The following SNX25 variants were observed in gnomAD, a reference collection of about 807,000 sequenced individuals.
SNX25 encodes sorting nexin-25.
In SNX25, 62 loss-of-function variants were observed where a neutral mutation model predicts 113.7. The ratio of observed to expected loss-of-function variants is 0.55; its 90% CI spans 0.44 to 0.67. The LOEUF (loss-of-function observed/expected upper bound fraction) is 0.67. Ranked by LOEUF, SNX25 falls within the 30% of genes least tolerant of loss-of-function variation. The pLI, the probability that SNX25 is intolerant of heterozygous loss-of-function variation, is 0.00. For missense variants in SNX25, 1,014 were observed against 1,161.0 expected (o/e 0.87, Z 1.84); for synonymous variants, 421 against 436.2 (o/e 0.97, Z 0.43).
At chr4:185,235,627 C>T (rs1043764715) in intron 1 of SNX25, among the ~76,000 whole-genome samples, 1 of 152,230 alleles carries the variant, frequency 6.6e-6, no homozygotes, top group Non-Finnish European at 1.5e-5. Context: ...TGCAGTGGCT[C>T]ACAACTATCA....
chr4:185,324,131 G>A (rs2095139764), intron 9 of SNX25, among the ~76,000 whole-genome samples: 1 of 152,168 alleles, frequency 6.6e-6, no homozygotes, highest in Non-Finnish European at 1.5e-5. Context: ...AAAAGTGAGG[G>A]CAGAAAGTCT....
intron 1 of SNX25, chr4:185,204,530 T>A (rs1164141415): frequency 6.6e-6 from 1 of 152,220 alleles, no homozygotes; most frequent in Non-Finnish European, 1.5e-5. Flanking sequence ...ATACAATAAC[T>A]TCTCGTTGAA....
At chr4:185,228,190 C>G (rs1490825022) in intron 1 of SNX25, among the ~76,000 whole-genome samples, 1 of 151,950 alleles carries the variant, frequency 6.6e-6, no homozygotes, top group Non-Finnish European at 1.5e-5. Flanking sequence ...GAAAGTGGTA[C>G]CTAGAGGGGA....
chr4:185,217,982 T>C (rs905366156), intron 1 of SNX25, among the ~76,000 whole-genome samples: 3 of 152,172 alleles, frequency 2.0e-5, no homozygotes, highest in Non-Finnish European at 4.4e-5. Flanking sequence ...CTTGGTTGAA[T>C]GGGGATGACA....
In SNX25 at chr4:185,362,120, A is replaced by G. The variant is rs200384207; in HGVS notation, c.2833+15A>G. 1.5e-4 allele frequency: 237 copies of G among 1,596,730 alleles called. No homozygotes were observed. The highest frequency in any genetic ancestry group is 1.9e-4 in the Non-Finnish European group (218 of 1,170,008). ...AAACATTCCAGGTGAGGCCTGGGCT[A>G]TTAGCCTGAAAAGCATAGAGATCTG... On this transcript the variant is annotated intron_variant, in intron 17 of 18. Coordinates refer to ENST00000652585, the MANE Select transcript of SNX25 (RefSeq NM_001378034.2).
intron 6 of SNX25, among the ~76,000 whole-genome samples, chr4:185,289,779 C>T (rs1356044035): frequency 6.6e-6 from 1 of 152,178 alleles, no homozygotes; most frequent in Non-Finnish European, 1.5e-5. Context: ...TGCCTTGCCA[C>T]TGTAATCTTT....
chr4:185,324,358 AAGAC>A (rs2095140938), intron 9 of SNX25, among the ~76,000 whole-genome samples: 1 of 152,214 alleles, frequency 6.6e-6, no homozygotes, highest in South Asian at 2.1e-4. Flanking sequence ...AGAAACACGA[AAGAC>A]AGGTTTATTT....
intron 3 of SNX25, among the ~76,000 whole-genome samples, chr4:185,262,650 T>G (rs1034091575): frequency 6.6e-6 from 1 of 152,250 alleles, no homozygotes; most frequent in Non-Finnish European, 1.5e-5. Flanking sequence ...TTTTCTCATC[T>G]ATAGAATACA....
rs372998760 is a variant in SNX25, at chr4:185,351,561, A to G, written c.2418A>G (p.Leu806=). ...DVQGKKNSFS[L]SSFLERLPRD... is the part of the protein sequence containing the mutation. ...AGGGGAAAAAAAATTCTTTTTCATT[A>G]TCCTCATTTTTGGAAAGACTTCCTC... The change falls in exon 14 of 19, where the codon TTA becomes TTG. Residue 806 remains leucine, a synonymous_variant. Transcript: ENST00000652585. The G allele has an allele frequency of 1.6e-4, 251 of 1,613,970 alleles. No individual in the cohort carries two copies. Among genetic ancestry groups the G allele is most frequent in the Non-Finnish European group, 2.1e-4 (244 of 1,180,024 alleles).
At chr4:185,269,896 T>C (rs1748669897) in intron 5 of SNX25, among the ~76,000 whole-genome samples, 1 of 152,150 alleles carries the variant, frequency 6.6e-6, no homozygotes, top group Non-Finnish European at 1.5e-5. Flanking sequence ...TTATTTTGAA[T>C]GATCTACCAC....
In SNX25 at chr4:185,341,954, C is replaced by T. The variant is rs778762278; in HGVS notation, c.2047-22C>T. The T allele has an allele frequency of 8.3e-6, 13 of 1,560,464 alleles. 1 individual carries two copies. The South Asian group carries it at 9.8e-5, about 12-fold the overall frequency. ...CATTCACCATGCTTTTTGTAAGTATCGATTTTGATGTTTTCCCCAAGGTTA... is the reference window on the plus strand; with the variant it reads ...CATTCACCATGCTTTTTGTAAGTATTGATTTTGATGTTTTCCCCAAGGTTA... On this transcript the variant is annotated intron_variant, in intron 11 of 18. Transcript: ENST00000652585.
chr4:185,357,107 C>T (rs1271331860), intron 15 of SNX25, among the ~76,000 whole-genome samples: 1 of 152,158 alleles, frequency 6.6e-6, no homozygotes, highest in Non-Finnish European at 1.5e-5. Context: ...GGGGGTGGCA[C>T]TGGAGACGGC....
At chr4:185,291,726 T>C (rs1188829659) in intron 6 of SNX25, among the ~76,000 whole-genome samples, 1 of 152,194 alleles carries the variant, frequency 6.6e-6, no homozygotes, top group Non-Finnish European at 1.5e-5. Flanking sequence ...TGTCACGTGA[T>C]ATTCTTCTCT....
At chr4:185,367,920 C>G (rs970879073), downstream of SNX25, among the ~76,000 whole-genome samples, 1 of 152,194 alleles carries the variant, frequency 6.6e-6, no homozygotes, top group South Asian at 2.1e-4. Context: ...TAGCTCACAC[C>G]TGTAATCCCA....
chr4:185,241,517 A>AGAGGGAGAG lies in SNX25; in HGVS notation c.430-5766_430-5758dup, dbSNP rs773493743. On this transcript the variant is annotated intron_variant, in intron 1 of 18. Coordinates refer to ENST00000652585, the MANE Select transcript of SNX25 (RefSeq NM_001378034.2). The stretch of plus-strand genomic sequence containing the variant: ...GGAGAGGGAGACCGTGGGGAGAGGG[A>AGAGGGAGAG]GAGGGAGAGGAGGGAGAGGGAGAGG... 4.4e-5 allele frequency among the ~76,000 whole-genome samples: 2 copies of AGAGGGAGAG among 45,384 alleles called. 1 individual carries two copies. The highest frequency in any genetic ancestry group is 1.2e-4 in the Non-Finnish European group (2 of 17,124). The allele number at this position is 45,384 out of a possible 152,430, so 29.8% of individuals were successfully genotyped here. A position where few individuals can be genotyped will look rare whatever the true frequency, so the allele number is the denominator to read the frequency against.
chr4:185,336,588 A>G (rs1019413420), intron 10 of SNX25, among the ~76,000 whole-genome samples: 2 of 152,214 alleles, frequency 1.3e-5, no homozygotes, highest in African/African-American at 2.4e-5. Context: ...GGCTGGTTCC[A>G]TATTTTTGCA....
intron 5 of SNX25, among the ~76,000 whole-genome samples, chr4:185,273,386 C>T (rs938911229): frequency 1.3e-5 from 2 of 152,216 alleles, no homozygotes; most frequent in Non-Finnish European, 2.9e-5. Flanking sequence ...GATCCTCCCT[C>T]CTGCCTCAGC....
chr4:185,301,321 C>A (rs1482679271), intron 6 of SNX25, among the ~76,000 whole-genome samples: 1 of 152,190 alleles, frequency 6.6e-6, no homozygotes, highest in African/African-American at 2.4e-5. Context: ...CATGGAAGCT[C>A]CGCACCCCTT....
Position 185,209,642 on chromosome 4 carries a change from C to T in SNX25, c.-185C>T, listed in dbSNP as rs972597874. On this transcript the variant is annotated 5_prime_UTR_variant, in exon 1 of 19. Coordinates refer to ENST00000652585, the MANE Select transcript of SNX25 (RefSeq NM_001378034.2). The surrounding 1 kb of genome is among the most constrained non-coding windows in gnomAD (Gnocchi z 5.2). ...TCCCTGGCTGCGCCCGGCCCGGCAG[C>T]TACGGGCCCAGCGCCTGGTGGCGGC... The T allele has an allele frequency of 1.4e-6, 1 of 711,916 alleles. No homozygotes were observed. The highest frequency in any genetic ancestry group is 1.7e-6 in the Non-Finnish European group (1 of 580,188). 44.1% of individuals were successfully genotyped at this position (711,916 alleles called of 1,614,324 possible).
Sources: allele counts gnomAD v4.1 joint callset (sites outside exome capture counted in the v4.1 genomes callset), GRCh38; gene constraint gnomAD v4.1.1; non-coding constraint Gnocchi (gnomAD v3.1); transcripts MANE v1.5; gene names NCBI Gene and HGNC (gene_info 2026-07-23, HGNC 2026-07-21).